Variants in KIF6 observed in about 807,000 individuals in gnomAD.
KIF6 encodes kinesin family member 6.
KIF6 carries 106 observed loss-of-function variants against 112.7 expected under a neutral mutation model. The observed-to-expected ratio is 0.94, with a 90% confidence interval of 0.80 to 1.11. KIF6 has a LOEUF of 1.11. Among genes scored for constraint, KIF6 ranks in the 50% least tolerant of loss-of-function variants. KIF6 has a pLI of 0.00. For synonymous variants in KIF6, 339 were observed against 339.9 expected (o/e 1.00, Z 0.03); for missense variants, 929 against 964.0 (o/e 0.96, Z 0.48).
At chr6:39,561,140 G>C (rs2150596477) in intron 10 of KIF6, among the ~76,000 whole-genome samples, 1 of 152,302 alleles carries the variant, frequency 6.6e-6, no homozygotes, top group East Asian at 1.9e-4. Context: ...ACCTGAGTCA[G>C]AAAAGGCAGA....
chr6:39,716,688 G>A (rs939666907), intron 2 of KIF6, among the ~76,000 whole-genome samples: 22 of 152,140 alleles, frequency 1.4e-4, no homozygotes, highest in South Asian at 1.0e-3. Flanking sequence ...TCAATAATAT[G>A]CCTTGAGACA....
chr6:39,647,981 G>A (rs530166085), intron 3 of KIF6, among the ~76,000 whole-genome samples: 2 of 150,594 alleles, frequency 1.3e-5, no homozygotes, highest in Non-Finnish European at 3.0e-5. Flanking sequence ...AAAGTGCTGG[G>A]ATTACAGGCA....
intron 14 of KIF6, among the ~76,000 whole-genome samples, chr6:39,426,724 C>T (rs1282258987): frequency 6.6e-6 from 1 of 152,026 alleles, no homozygotes; most frequent in Non-Finnish European, 1.5e-5. Flanking sequence ...GCACTCCAGC[C>T]TAGGCGACAG....
chr6:39,366,212 A>G (rs980561548), intron 16 of KIF6, among the ~76,000 whole-genome samples: 4 of 152,032 alleles, frequency 2.6e-5, no homozygotes, highest in African/African-American at 9.7e-5. Flanking sequence ...GCGCAACACC[A>G]CTTTCATTCT....
chr6:39,440,720 G>A (rs1771865252), intron 13 of KIF6, among the ~76,000 whole-genome samples: 1 of 152,158 alleles, frequency 6.6e-6, no homozygotes, highest in Non-Finnish European at 1.5e-5. Flanking sequence ...TTAGAAGAGA[G>A]ACAAGGCAGA....
intron 1 of KIF6, among the ~76,000 whole-genome samples, chr6:39,724,452 C>CAAAA (rs33912709): frequency 2.2e-5 from 2 of 90,540 alleles, no homozygotes; most frequent in Admixed American, 1.2e-4. Flanking sequence ...GACTCCGTCT[C>CAAAA]AAAAAAAAAA....
intron 5 of KIF6, among the ~76,000 whole-genome samples, chr6:39,613,777 A>C (rs1783349791): frequency 6.6e-6 from 1 of 152,150 alleles, no homozygotes; most frequent in Non-Finnish European, 1.5e-5. Context: ...ACCAACTTAA[A>C]CGTGATGAAA....
intron 10 of KIF6, among the ~76,000 whole-genome samples, chr6:39,548,278 C>G (rs1431212159): frequency 1.3e-5 from 2 of 152,202 alleles, no homozygotes; most frequent in East Asian, 3.8e-4. Flanking sequence ...ATGAGCTGGA[C>G]CACTCACAGA....
intron 7 of KIF6, among the ~76,000 whole-genome samples, chr6:39,593,069 T>G (rs989298534): frequency 1.3e-5 from 2 of 152,234 alleles, no homozygotes; most frequent in African/African-American, 4.8e-5. Context: ...TATTGCTAAG[T>G]ATTTATTTGT....
intron 13 of KIF6, among the ~76,000 whole-genome samples, chr6:39,462,644 T>C (rs531491439): frequency 6.6e-6 from 1 of 152,084 alleles, no homozygotes; most frequent in African/African-American, 2.4e-5. Context: ...TCTACAGAGA[T>C]GGGGTGGAGC....
chr6:39,489,511 G>A (rs1173465974), intron 13 of KIF6, among the ~76,000 whole-genome samples: 2 of 152,110 alleles, frequency 1.3e-5, no homozygotes, highest in African/African-American at 4.8e-5. Context: ...GATAGAAAAT[G>A]AAGAATACTA....
chr6:39,714,079 T>C (rs1789696938), intron 3 of KIF6, among the ~76,000 whole-genome samples: 1 of 152,240 alleles, frequency 6.6e-6, no homozygotes, highest in South Asian at 2.1e-4. Flanking sequence ...AAGAGGACTC[T>C]GTGCTTGAGT....
intron 3 of KIF6, among the ~76,000 whole-genome samples, chr6:39,686,491 C>CCCATACAAT (rs1412556910): frequency 3.7e-4 from 56 of 151,936 alleles, no homozygotes; most frequent in Admixed American, 3.7e-3. Context: ...TTAAATACAA[C>CCCATACAAT]CCAAGGTGAG....
Position 39,542,146 on chromosome 6 carries a change from A to G in KIF6, c.1427-1925T>C, listed in dbSNP as rs144074840. On this transcript the variant is annotated intron_variant, in intron 12 of 22. Transcript: ENST00000287152. ...AGCAAGGAGTTTGGTTTCATTCTTCATATCATGGGAAGCCCCTTGAAGACT... is the reference window on the plus strand; with the variant it reads ...AGCAAGGAGTTTGGTTTCATTCTTCGTATCATGGGAAGCCCCTTGAAGACT... 2.0e-5 allele frequency among the ~76,000 whole-genome samples: 3 copies of G among 152,172 alleles called. No individual in the cohort carries two copies. In the South Asian group the frequency reaches 6.2e-4, roughly 32 times the overall value.
intron 13 of KIF6, among the ~76,000 whole-genome samples, chr6:39,450,913 T>C (rs1276837659): frequency 1.3e-5 from 2 of 152,248 alleles, no homozygotes; most frequent in Non-Finnish European, 2.9e-5. Flanking sequence ...ATACTATATA[T>C]ACAATTTTGT....
At chr6:39,467,034 C>T (rs761440908) in intron 13 of KIF6, among the ~76,000 whole-genome samples, 4 of 152,158 alleles carry the variant, frequency 2.6e-5, no homozygotes, top group African/African-American at 9.7e-5. Flanking sequence ...GAGATTTGTT[C>T]CACAGGACAA....
intron 12 of KIF6, among the ~76,000 whole-genome samples, chr6:39,542,544 T>A (rs1356827861): frequency 6.6e-6 from 1 of 152,248 alleles, no homozygotes; most frequent in Admixed American, 6.5e-5. Context: ...TGTGTCACAG[T>A]CTTAGCCTTC....
intron 13 of KIF6, among the ~76,000 whole-genome samples, chr6:39,533,074 C>T (rs554750607): frequency 1.3e-5 from 2 of 152,298 alleles, no homozygotes; most frequent in Non-Finnish European, 2.9e-5. Flanking sequence ...AAGCTCCCAG[C>T]GTGAGCGACG....
intron 13 of KIF6, among the ~76,000 whole-genome samples, chr6:39,494,388 A>T (rs929859411): frequency 1.3e-5 from 2 of 152,236 alleles, no homozygotes; most frequent in African/African-American, 4.8e-5. Flanking sequence ...TTTATTAAAC[A>T]ACTGACAGAA....
Sources: allele counts gnomAD v4.1 joint callset (sites outside exome capture counted in the v4.1 genomes callset), GRCh38; gene constraint gnomAD v4.1.1; transcripts MANE v1.5; gene names NCBI Gene and HGNC (gene_info 2026-07-23, HGNC 2026-07-21).